The following PIK3R1 variants were observed in gnomAD, a reference collection of about 807,000 sequenced individuals.
PIK3R1 encodes the protein phosphoinositide-3-kinase regulatory subunit 1, also known as phosphatidylinositol 3-kinase regulatory subunit alpha.
PIK3R1 carries 29 observed loss-of-function variants against 98.0 expected under a neutral mutation model. The ratio of observed to expected loss-of-function variants is 0.30; its 90% CI spans 0.22 to 0.40. The LOEUF (loss-of-function observed/expected upper bound fraction) is 0.40. Ranked by LOEUF, PIK3R1 falls within the 10% of genes least tolerant of loss-of-function variation. PIK3R1 has a pLI of 1.00. For missense variants in PIK3R1, 596 were observed against 872.7 expected, an observed-to-expected ratio of 0.68 and a Z score of 3.99; for synonymous variants, 282 against 311.8, an observed-to-expected ratio of 0.90 and a Z score of 1.01.
At chr5:68,274,489 CTTCT>C (rs747936558) in intron 4 of PIK3R1, among the ~76,000 whole-genome samples, 4 of 151,948 alleles carry the variant, frequency 2.6e-5, no homozygotes, top group African/African-American at 4.8e-5. Flanking sequence ...TCTGGCTTGC[CTTCT>C]TTCTTTTTTT....
At chr5:68,253,126 T>C (rs1037359037) in intron 2 of PIK3R1, among the ~76,000 whole-genome samples, 2 of 152,248 alleles carry the variant, frequency 1.3e-5, no homozygotes, top group Non-Finnish European at 2.9e-5. Context: ...ACACATACTT[T>C]TTCCTTGAAT....
At chr5:68,271,264 A>G (rs1370435638) in intron 2 of PIK3R1, among the ~76,000 whole-genome samples, 1 of 152,210 alleles carries the variant, frequency 6.6e-6, no homozygotes, top group African/African-American at 2.4e-5. Context: ...CCCTCTGCAC[A>G]GTGACTGGAA....
intron 4 of PIK3R1, among the ~76,000 whole-genome samples, chr5:68,277,976 C>T (rs1746651066): frequency 1.3e-5 from 2 of 152,172 alleles, no homozygotes; most frequent in African/African-American, 4.8e-5. Context: ...AGATTACTTT[C>T]CTCAAGTTAT....
intron 1 of PIK3R1, among the ~76,000 whole-genome samples, chr5:68,221,047 A>T (rs1453501122): frequency 6.6e-6 from 1 of 152,284 alleles, no homozygotes. Flanking sequence ...TAGATTAGTT[A>T]TCTTGGGAAT....
In PIK3R1 at chr5:68,232,479, G is replaced by A. The variant is rs1744516891; in HGVS notation, c.334+5470G>A. Among the ~76,000 whole-genome samples the A allele has an allele frequency of 1.3e-5, 2 of 152,180 alleles. 1 individual carries two copies. Among genetic ancestry groups the A allele is most frequent in the African/African-American group, 4.8e-5 (2 of 41,444 alleles). ...GCACGCTCTGAGGGGCCTGTGAGTA[G>A]GGAGGCTCTCTTACCCAGAGGGGAG... is the stretch of plus-strand genomic sequence containing the variant. On this transcript the variant is annotated intron_variant, in intron 2 of 15. Coordinates refer to ENST00000521381, the MANE Select transcript of PIK3R1 (RefSeq NM_181523.3).
chr5:68,279,666 T>C lies in PIK3R1; in HGVS notation c.567T>C (p.Tyr189=), dbSNP rs778360098. 5 of 1,614,022 alleles carry C rather than the reference T, an allele frequency of 3.1e-6. No individual in the cohort carries two copies. The South Asian group carries it at 5.5e-5, about 18-fold the overall frequency. The change falls in exon 5 of 16, where the codon TAT becomes TAC. Residue 189 remains tyrosine (Y), a synonymous_variant. Coordinates refer to ENST00000521381, the MANE Select transcript of PIK3R1 (RefSeq NM_181523.3). ...TTTTGGCTGACGCTTTCAAACGCTA[T>C]CTCCTGGACTTACCAAATCCTGTCA... The part of the protein sequence containing the change: ...VHVLADAFKR[Y]LLDLPNPVIP...
At chr5:68,220,492 G>A (rs370313743) in intron 1 of PIK3R1, among the ~76,000 whole-genome samples, 9 of 152,158 alleles carry the variant, frequency 5.9e-5, no homozygotes, top group Non-Finnish European at 8.8e-5. Context: ...TGGCTACTGC[G>A]TGCCTAAGCG....
At chr5:68,217,204 G>C (rs1743918539) in intron 1 of PIK3R1, among the ~76,000 whole-genome samples, 1 of 152,186 alleles carries the variant, frequency 6.6e-6, no homozygotes, top group Non-Finnish European at 1.5e-5. Context: ...TGAGGCTCAA[G>C]TTTTAGTAAT....
At chr5:68,219,733 T>A (rs576198931) in intron 1 of PIK3R1, among the ~76,000 whole-genome samples, 1 of 152,354 alleles carries the variant, frequency 6.6e-6, no homozygotes, top group South Asian at 2.1e-4. Flanking sequence ...CACTTAGAAC[T>A]GTTTGCAGAG....
chr5:68,235,213 G>A (rs1411388176), intron 2 of PIK3R1, among the ~76,000 whole-genome samples: 2 of 151,952 alleles, frequency 1.3e-5, no homozygotes, highest in African/African-American at 4.8e-5. Context: ...AACCAGCATG[G>A]CCAATATGGT....
rs753924505 is a variant in PIK3R1, at chr5:68,298,084, C to T, written c.*483C>T. On this transcript the variant is annotated 3_prime_UTR_variant, in exon 16 of 16. Coordinates refer to ENST00000521381, the MANE Select transcript of PIK3R1 (RefSeq NM_181523.3). ...CTGTGCACGGTGGACCCAGACACAT[C>T]GCACTGTGGATTATTTCATTTTGTA... 1 of 230,876 alleles carries T rather than the reference C, an allele frequency of 4.3e-6. No homozygotes were observed. Among genetic ancestry groups the T allele is most frequent in the South Asian group, 1.8e-4 (1 of 5,502 alleles). The allele number at this position is 230,876 out of a possible 1,614,324, so 14.3% of individuals were successfully genotyped here.
chr5:68,277,404 A>G (rs1746623013), intron 4 of PIK3R1, among the ~76,000 whole-genome samples: 1 of 152,212 alleles, frequency 6.6e-6, no homozygotes, highest in South Asian at 2.1e-4. Flanking sequence ...TTTGTAGGAC[A>G]TTTAAGTGAT....
rs559951323 is a variant in PIK3R1 at position 68,272,967 on chromosome 5, T to C, written c.335-423T>C. The stretch of plus-strand genomic sequence containing the variant: ...TCTTCCTAATGACCAGGAGGAGAGA[T>C]CTGAATTCAGGTTCTTGGGCTCCTG... On this transcript the variant is annotated intron_variant, in intron 2 of 15. Coordinates refer to ENST00000521381, the MANE Select transcript of PIK3R1 (RefSeq NM_181523.3). Among the ~76,000 whole-genome samples the C allele has an allele frequency of 2.6e-5, 4 of 152,268 alleles. No homozygotes were observed. The South Asian group carries it at 6.2e-4, about 24-fold the overall frequency.
chr5:68,223,301 C>G (rs377613630), intron 1 of PIK3R1, among the ~76,000 whole-genome samples: 148 of 151,946 alleles, frequency 9.7e-4, no homozygotes, highest in African/African-American at 3.3e-3. Flanking sequence ...CCTTCTCTGT[C>G]TAGCTAAGGG....
At chr5:68,247,430 C>T (rs1745141548) in intron 2 of PIK3R1, among the ~76,000 whole-genome samples, 1 of 152,198 alleles carries the variant, frequency 6.6e-6, no homozygotes, top group East Asian at 1.9e-4. Context: ...TCCTGAGTAG[C>T]TGGGACTACA....
chr5:68,229,838 A>C (rs1427677793), intron 2 of PIK3R1, among the ~76,000 whole-genome samples: 1 of 152,232 alleles, frequency 6.6e-6, no homozygotes, highest in African/African-American at 2.4e-5. Context: ...CCATTAGGAA[A>C]TCTTATATAC....
intron 2 of PIK3R1, among the ~76,000 whole-genome samples, chr5:68,256,026 A>C (rs1349093583): frequency 6.6e-6 from 1 of 152,124 alleles, no homozygotes; most frequent in Non-Finnish European, 1.5e-5. Context: ...TGTTCACAAA[A>C]ATCTTTAACA....
intron 7 of PIK3R1, among the ~76,000 whole-genome samples, chr5:68,287,878 A>G (rs958558185): frequency 2.0e-5 from 3 of 152,160 alleles, no homozygotes; most frequent in Admixed American, 6.5e-5. Flanking sequence ...TATTCGTCCG[A>G]GGATGCCCTC....
At chr5:68,225,521 G>A (rs947539167) in intron 1 of PIK3R1, among the ~76,000 whole-genome samples, 2 of 152,112 alleles carry the variant, frequency 1.3e-5, no homozygotes, top group Non-Finnish European at 2.9e-5. Flanking sequence ...TTAAGCATTT[G>A]CCACATCCCA....
Sources: gnomAD v4.1 joint callset for allele counts (sites outside exome capture counted in the v4.1 genomes callset) on GRCh38, gnomAD v4.1.1 for gene constraint, MANE v1.5 for transcripts, NCBI Gene and HGNC (gene_info 2026-07-23, HGNC 2026-07-21) for gene names.